Variants in ROBO1 observed in about 807,000 individuals in gnomAD.
ROBO1 encodes roundabout guidance receptor 1.
In ROBO1, 149 loss-of-function variants were observed where a neutral mutation model predicts 195.9. That is an observed-to-expected ratio of 0.76 (90% CI 0.67 to 0.87). The LOEUF (loss-of-function observed/expected upper bound fraction) is 0.87. ROBO1 is among the 40% of genes least tolerant of loss of function. The pLI is 0.00. For missense variants in ROBO1, 1,933 were observed against 2,068.3 expected (o/e 0.93, Z 1.27); for synonymous variants, 816 against 733.2 (o/e 1.11, Z -1.82).
At chr3:79,075,754 T>C (rs2079162068) in intron 3 of ROBO1, among the ~76,000 whole-genome samples, 2 of 151,936 alleles carry the variant, frequency 1.3e-5, no homozygotes, top group South Asian at 4.1e-4. Flanking sequence ...AATTAGTAGC[T>C]TTAGCTCCAT....
At position 79,136,639 on chromosome 3, in the gene ROBO1, A is replaced by C. The variant is rs536448900; in HGVS notation, c.89-11100T>G. Reference sequence around the variant, plus strand: ...AACGTAGGCAATGAATTATAAAATCAAATACAAGAAACCCCTATATTTGTG... The same window carrying C: ...AACGTAGGCAATGAATTATAAAATCCAATACAAGAAACCCCTATATTTGTG... On this transcript the variant is annotated intron_variant, in intron 2 of 30. Transcript: ENST00000464233. Among the ~76,000 whole-genome samples the C allele has an allele frequency of 1.6e-4, 24 of 152,282 alleles. 1 individual carries two copies. The South Asian group carries it at 5.0e-3, about 32-fold the overall frequency.
intron 2 of ROBO1, among the ~76,000 whole-genome samples, chr3:79,452,365 C>T (rs1315262619): frequency 6.6e-6 from 1 of 152,074 alleles, no homozygotes; most frequent in Non-Finnish European, 1.5e-5. Context: ...TCTGGAGCAT[C>T]ACTTTTTGAG....
At chr3:79,153,335 C>A (rs1238994312) in intron 2 of ROBO1, among the ~76,000 whole-genome samples, 1 of 151,664 alleles carries the variant, frequency 6.6e-6, no homozygotes, top group Non-Finnish European at 1.5e-5. Flanking sequence ...AAACCAAGGA[C>A]AATTAATTTT....
chr3:79,674,264 A>G (rs1413446779), intron 1 of ROBO1, among the ~76,000 whole-genome samples: 5 of 152,006 alleles, frequency 3.3e-5, no homozygotes, highest in Admixed American at 6.6e-5. Context: ...AAATTAAAAT[A>G]ACCTTATACG....
intron 1 of ROBO1, among the ~76,000 whole-genome samples, chr3:79,688,885 T>C (rs539308433): frequency 1.3e-5 from 2 of 152,188 alleles, no homozygotes; most frequent in East Asian, 3.9e-4. Flanking sequence ...TGCATGCACA[T>C]GTAAAAGACA....
chr3:78,790,752 T>A (rs937162600), intron 4 of ROBO1, among the ~76,000 whole-genome samples: 1 of 152,212 alleles, frequency 6.6e-6, no homozygotes. Context: ...GTCAGCCATG[T>A]CCTTTAGGAC....
chr3:79,631,298 A>G (rs1259488566), intron 1 of ROBO1, among the ~76,000 whole-genome samples: 2 of 152,074 alleles, frequency 1.3e-5, no homozygotes, highest in East Asian at 3.9e-4. Context: ...ACATAGATCA[A>G]TGGAACAGAA....
chr3:78,619,821 C>T (rs1704342631), intron 26 of ROBO1, among the ~76,000 whole-genome samples: 1 of 151,686 alleles, frequency 6.6e-6, no homozygotes, highest in African/African-American at 2.4e-5. Context: ...AGTTTGAGAC[C>T]AGCCTGGCCA....
At chr3:79,283,183 C>A (rs2031640005) in intron 2 of ROBO1, among the ~76,000 whole-genome samples, 2 of 152,084 alleles carry the variant, frequency 1.3e-5, no homozygotes, top group South Asian at 4.1e-4. Flanking sequence ...AAAAGTTTTC[C>A]CATAGATGGG....
Position 78,942,110 on chromosome 3 carries a change from A to G in ROBO1, c.173-3183T>C, listed in dbSNP as rs188965813. Among the ~76,000 whole-genome samples, 23 of 152,154 alleles carry G rather than the reference A, an allele frequency of 1.5e-4. No homozygotes were observed. In the East Asian group the frequency reaches 4.3e-3, roughly 28 times the overall value. On this transcript the variant is annotated intron_variant, in intron 3 of 30. Coordinates refer to ENST00000464233, the MANE Select transcript of ROBO1 (RefSeq NM_002941.4). ...GAGCCTAGGAGTTCAAGACCAGCCT[A>G]GGCAACACAAGGAAACCATGTCTCT...
At chr3:79,190,601 T>A (rs1417544775) in intron 2 of ROBO1, among the ~76,000 whole-genome samples, 1 of 151,606 alleles carries the variant, frequency 6.6e-6, no homozygotes, top group Non-Finnish European at 1.5e-5. Flanking sequence ...GTTGTTGCAT[T>A]GTTTTCCATT....
intron 2 of ROBO1, among the ~76,000 whole-genome samples, chr3:79,414,122 T>C (rs1429311073): frequency 1.3e-5 from 2 of 152,074 alleles, no homozygotes; most frequent in Non-Finnish European, 2.9e-5. Context: ...GGAGTTATCA[T>C]TAACTTTTCT....
At position 79,415,828 on chromosome 3, in the gene ROBO1, G is replaced by A. The variant is rs896119832; in HGVS notation, c.88+173996C>T. ...GAATAGATTAGAAACATTTTCTGGAGGCAGAACAATGATGTTGGTTGGTGA... is the reference window on the plus strand; with the variant it reads ...GAATAGATTAGAAACATTTTCTGGAAGCAGAACAATGATGTTGGTTGGTGA... On this transcript the variant is annotated intron_variant, in intron 2 of 30. Transcript: ENST00000464233. Among the ~76,000 whole-genome samples, 10 of 152,178 alleles carry A rather than the reference G, an allele frequency of 6.6e-5. No homozygotes were observed. In the East Asian group the frequency reaches 1.7e-3, roughly 26 times the overall value.
intron 4 of ROBO1, among the ~76,000 whole-genome samples, chr3:78,875,427 A>G (rs1161966666): frequency 6.6e-6 from 1 of 152,036 alleles, no homozygotes; most frequent in Non-Finnish European, 1.5e-5. Context: ...AATAAACCAT[A>G]AAGTCTGGGA....
intron 19 of ROBO1, among the ~76,000 whole-genome samples, chr3:78,649,655 TA>T (rs1159317607): frequency 6.6e-6 from 1 of 152,170 alleles, no homozygotes. Context: ...AAAATGCACT[TA>T]AAAATTGCCT....
chr3:79,654,997 T>C (rs1428249655), intron 1 of ROBO1, among the ~76,000 whole-genome samples: 1 of 152,108 alleles, frequency 6.6e-6, no homozygotes, highest in Admixed American at 6.6e-5. Context: ...GGGATTGGTA[T>C]TTAGCTTGTT....
chr3:79,678,751 C>A (rs1202333716), intron 1 of ROBO1, among the ~76,000 whole-genome samples: 1 of 152,020 alleles, frequency 6.6e-6, no homozygotes, highest in African/African-American at 2.4e-5. Flanking sequence ...AATTATACCA[C>A]AAAGGAGCAC....
intron 2 of ROBO1, among the ~76,000 whole-genome samples, chr3:79,133,932 A>T (rs961778669): frequency 1.6e-4 from 24 of 152,072 alleles, no homozygotes; most frequent in African/African-American, 4.6e-4. Flanking sequence ...GGTCTGTTGG[A>T]ATACCCTGCC....
At chr3:79,702,487 C>A (rs958096805) in intron 1 of ROBO1, among the ~76,000 whole-genome samples, 3 of 151,896 alleles carry the variant, frequency 2.0e-5, no homozygotes, top group African/African-American at 7.2e-5. Context: ...GGTCACTGAT[C>A]CCCTCAGTTC....
Sources: allele counts gnomAD v4.1 joint callset (sites outside exome capture counted in the v4.1 genomes callset), GRCh38; gene constraint gnomAD v4.1.1; transcripts MANE v1.5; gene names NCBI Gene and HGNC (gene_info 2026-07-23, HGNC 2026-07-21).